The following LARGE1 variants were observed in gnomAD, a reference collection of about 807,000 sequenced individuals.
LARGE1 encodes the protein LARGE xylosyl- and glucuronyltransferase 1.
A neutral mutation model predicts 87.6 loss-of-function variants in LARGE1; 43 were observed. The ratio of observed to expected loss-of-function variants is 0.49; its 90% CI spans 0.38 to 0.63. LARGE1 has a LOEUF of 0.63. Among genes scored for constraint, LARGE1 ranks in the 30% least tolerant of loss-of-function variants. The pLI, the probability that LARGE1 is intolerant of heterozygous loss-of-function variation, is 0.00. For missense variants in LARGE1, 802 were observed against 1,000.2 expected (o/e 0.80, Z 2.67); for synonymous variants, 434 against 394.6 (o/e 1.10, Z -1.18).
At chr22:33,878,375 C>A (rs184650671) in intron 1 of LARGE1, among the ~76,000 whole-genome samples, 73 of 151,896 alleles carry the variant, frequency 4.8e-4, no homozygotes, top group African/African-American at 1.6e-3. Context: ...GTGATCCGCC[C>A]GCCTCAGCCT....
intron 2 of LARGE1, among the ~76,000 whole-genome samples, chr22:33,679,586 T>C (rs115335088): frequency 0.029 from 4,422 of 152,098 alleles, 209 homozygotes; most frequent in African/African-American, 0.1. Flanking sequence ...TTCACACCTG[T>C]AATCCCAAAC....
intron 9 of LARGE1, among the ~76,000 whole-genome samples, chr22:33,378,953 ACAGC>A (rs966504926): frequency 2.0e-5 from 3 of 152,138 alleles, no homozygotes; most frequent in African/African-American, 7.2e-5. Context: ...CAACTTGGGA[ACAGC>A]CAGAGAGAAG....
intron 1 of LARGE1, among the ~76,000 whole-genome samples, chr22:33,916,194 T>C (rs1223312813): frequency 1.3e-5 from 2 of 151,942 alleles, no homozygotes; most frequent in Non-Finnish European, 2.9e-5. Context: ...GGCAGGAGAA[T>C]TGCTTGAACC....
intron 1 of LARGE1, among the ~76,000 whole-genome samples, chr22:33,816,775 C>A (rs902692944): frequency 1.3e-5 from 2 of 151,958 alleles, no homozygotes; most frequent in East Asian, 1.9e-4. Flanking sequence ...GTTTTTGGGG[C>A]CAAGATTCAA....
At chr22:33,304,530 G>A in intron 11 of LARGE1, 23 bp from the exon 12 acceptor site, 1 of 1,553,606 alleles carries the variant, frequency 6.4e-7, no homozygotes, top group Non-Finnish European at 8.7e-7. Context: ...GGGAGGGTGA[G>A]CCGCGGGACC....
the LARGE1 span, among the ~76,000 whole-genome samples, chr22:33,068,725 A>C: frequency 6.6e-6 from 1 of 152,178 alleles, no homozygotes; most frequent in Non-Finnish European, 1.5e-5. Flanking sequence ...CTGCTCCCAG[A>C]GTGACTATCT....
intron 2 of LARGE1, among the ~76,000 whole-genome samples, chr22:33,687,501 A>G (rs1030295200): frequency 6.6e-6 from 1 of 152,054 alleles, no homozygotes; most frequent in Non-Finnish European, 1.5e-5. Flanking sequence ...TTGGACATTA[A>G]CATATCCCCA....
At chr22:33,075,625 A>G in the LARGE1 span, among the ~76,000 whole-genome samples, 4 of 152,224 alleles carry the variant, frequency 2.6e-5, no homozygotes, top group Non-Finnish European at 5.9e-5. Flanking sequence ...AATTGTTGAA[A>G]GGATCTTGGA....
chr22:33,913,706 G>C (rs2065703306), intron 1 of LARGE1, among the ~76,000 whole-genome samples: 1 of 151,868 alleles, frequency 6.6e-6, no homozygotes, highest in Admixed American at 6.6e-5. Flanking sequence ...ACCATGCCCA[G>C]CTAATTTTTT....
Position 33,541,054 on chromosome 22 carries a change from C to CGGGGGGG in LARGE1, c.787+23787_787+23793dup, listed in dbSNP as rs57583473. Among the ~76,000 whole-genome samples, 6 of 13,720 alleles carry CGGGGGGG rather than the reference C, an allele frequency of 4.4e-4. 1 individual carries two copies. The highest frequency in any genetic ancestry group is 5.2e-4 in the African/African-American group (3 of 5,788). The allele number at this position is 13,720 out of a possible 152,430, so 9.0% of individuals were successfully genotyped here. A position where few individuals can be genotyped will look rare whatever the true frequency, so the allele number is the denominator to read the frequency against. On this transcript the variant is annotated intron_variant, in intron 6 of 14. Transcript: ENST00000397394. ...TCATGGTGGCTGGGGTGGTGGGTTG[C>CGGGGGGG]GGGGGGGGGGGGGCGGGGGGCGGGT...
intron 11 of LARGE1, among the ~76,000 whole-genome samples, chr22:33,259,020 G>A (rs1927470507): frequency 6.6e-6 from 1 of 151,950 alleles, no homozygotes; most frequent in South Asian, 2.1e-4. Flanking sequence ...TGGGATTATG[G>A]GCGCCCGCCA....
chr22:33,663,240 T>C (rs1042079414), intron 2 of LARGE1, among the ~76,000 whole-genome samples: 1 of 152,180 alleles, frequency 6.6e-6, no homozygotes, highest in Non-Finnish European at 1.5e-5. Flanking sequence ...GATAACATGT[T>C]ACCAAGAGCA....
chr22:33,190,713 C>T (rs1463132134), intron 11 of LARGE1, among the ~76,000 whole-genome samples: 2 of 152,186 alleles, frequency 1.3e-5, no homozygotes, highest in African/African-American at 2.4e-5. Flanking sequence ...TTTTCAATAT[C>T]TCCTTCTACT....
At chr22:33,540,040 G>C (rs1325249999) in intron 6 of LARGE1, among the ~76,000 whole-genome samples, 1 of 152,132 alleles carries the variant, frequency 6.6e-6, no homozygotes, top group Non-Finnish European at 1.5e-5. Flanking sequence ...GTGCACGGGG[G>C]CCAGTCCCTT....
intron 2 of LARGE1, among the ~76,000 whole-genome samples, chr22:33,662,533 A>G (rs769706784): frequency 9.9e-5 from 15 of 152,176 alleles, no homozygotes; most frequent in Non-Finnish European, 2.1e-4. Flanking sequence ...CTTCACCAGA[A>G]GTGTCCAACT....
At chr22:33,120,375 T>TTTC in the LARGE1 span, among the ~76,000 whole-genome samples, 37 of 128,874 alleles carry the variant, frequency 2.9e-4, no homozygotes, top group Middle Eastern at 3.8e-3. Context: ...TCTTTCTTTC[T>TTTC]TTCTTTCTTT....
rs9621741 is a variant in LARGE1 at position 33,650,852 on chromosome 22, C to G, written c.107-184G>C. On this transcript the variant is annotated intron_variant, in intron 2 of 14. Coordinates refer to ENST00000397394, the MANE Select transcript of LARGE1 (RefSeq NM_133642.5). ...ATTGAACTGGGAACAAAGTTGAGAA[C>G]AGAACAACTTATTATGGTGATAAAA... 0.11 allele frequency among the ~76,000 whole-genome samples: 17,050 copies of G among 152,124 alleles called. 3,099 individuals are homozygous for G. Among genetic ancestry groups the G allele is most frequent in the African/African-American group, 0.38 (15,891 of 41,444 alleles).
the LARGE1 span, among the ~76,000 whole-genome samples, chr22:33,130,177 G>GCC: frequency 2.7e-5 from 4 of 150,462 alleles, no homozygotes; most frequent in African/African-American, 4.9e-5. Context: ...AGCCGGGCGT[G>GCC]GTGGTGGGCG....
At chr22:33,778,073 C>T (rs143967159) in intron 1 of LARGE1, among the ~76,000 whole-genome samples, 2 of 152,274 alleles carry the variant, frequency 1.3e-5, no homozygotes, top group East Asian at 1.9e-4. Flanking sequence ...GAGAAGTCAT[C>T]AAAGGGTCAC....
Sources: gnomAD v4.1 joint callset for allele counts (sites outside exome capture counted in the v4.1 genomes callset) on GRCh38, gnomAD v4.1.1 for gene constraint, MANE v1.5 for transcripts, NCBI Gene and HGNC (gene_info 2026-07-23, HGNC 2026-07-21) for gene names.